CCDC127: variants seen among roughly 807,000 people sequenced by gnomAD.
CCDC127 encodes the protein coiled-coil domain-containing protein 127.
CCDC127 carries 2 observed loss-of-function variants against 4.1 expected under a neutral mutation model. The observed-to-expected ratio is 0.49, with a 90% confidence interval of 0.20 to 1.53. The LOEUF is 1.53. Among genes scored for constraint, CCDC127 ranks in the 40% most tolerant of loss-of-function variants. The pLI is 0.23. For synonymous variants in CCDC127, 98 were observed against 120.4 expected (o/e 0.81, Z 1.22); for missense variants, 271 against 322.9 (o/e 0.84, Z 1.23).
chr5:206,457 G>GA lies in CCDC127; in HGVS notation c.122-500dup, dbSNP rs1734175193. On this transcript the variant is annotated intron_variant, in intron 2 of 2. Transcript: ENST00000296824. ...TCTTTCCTCAAACTGGAGACTGCTGGAATCTCACGAAAACGGGACGAAGAT... is the reference window on the plus strand; with the variant it reads ...TCTTTCCTCAAACTGGAGACTGCTGGAAATCTCACGAAAACGGGACGAAGAT... Among the ~76,000 whole-genome samples, 4 of 152,354 alleles carry GA rather than the reference G, an allele frequency of 2.6e-5. No homozygotes were observed. The South Asian group carries it at 8.3e-4, about 32-fold the overall frequency.
Position 200,981 on chromosome 5 carries a change from CCAGCG to C in CCDC127, c.*4311_*4315del. Reference sequence around the variant, plus strand: ...ACACAGCAGGCTGCCCCCATCACAGCCAGCGTCTACACAGCAGGCTGCCCCCATCA... The same window carrying C: ...ACACAGCAGGCTGCCCCCATCACAGCTCTACACAGCAGGCTGCCCCCATCA... On this transcript the variant is annotated 3_prime_UTR_variant, in exon 3 of 3. Coordinates refer to ENST00000296824, the MANE Select transcript of CCDC127 (RefSeq NM_145265.3). The C allele has an allele frequency of 2.2e-5, 3 of 137,200 alleles. No individual in the cohort carries two copies. The highest frequency in any genetic ancestry group is 6.3e-5 in the African/African-American group (2 of 31,776). The allele number at this position is 137,200 out of a possible 1,614,324, so 8.5% of individuals were successfully genotyped here.
At position 198,559 on chromosome 5, in the gene CCDC127, C is replaced by G. The variant is rs1489309399; in HGVS notation, c.*6738G>C. ...GGGCGGTGCTGAGGGCACAAGCTCCCAACATCTCCAGCTCCACAGACACCC... is the reference window on the plus strand; with the variant it reads ...GGGCGGTGCTGAGGGCACAAGCTCCGAACATCTCCAGCTCCACAGACACCC... On this transcript the variant is annotated 3_prime_UTR_variant, in exon 3 of 3. Coordinates refer to ENST00000296824, the MANE Select transcript of CCDC127 (RefSeq NM_145265.3). 1 of 152,284 alleles carries G rather than the reference C, an allele frequency of 6.6e-6. No homozygotes were observed. Among genetic ancestry groups the G allele is most frequent in the African/African-American group, 2.4e-5 (1 of 41,468 alleles). 9.4% of individuals were successfully genotyped at this position (152,284 alleles called of 1,614,324 possible). A position where few individuals can be genotyped will look rare whatever the true frequency, so the allele number is the denominator to read the frequency against.
At chr5:215,719 G>C (rs1472459309) in intron 2 of CCDC127, 1 of 152,072 alleles carries the variant, frequency 6.6e-6, no homozygotes, top group Non-Finnish European at 1.5e-5. Context: ...CTTCTGACCT[G>C]AGACATGGAA....
rs558495263 is a variant in CCDC127 at position 201,427 on chromosome 5, G to A, written c.*3870C>T. The A allele has an allele frequency of 6.6e-6, 1 of 152,242 alleles. No homozygotes were observed. The highest frequency in any genetic ancestry group is 2.1e-4 in the South Asian group (1 of 4,818). The allele number at this position is 152,242 out of a possible 1,614,324, so 9.4% of individuals were successfully genotyped here. On this transcript the variant is annotated 3_prime_UTR_variant, in exon 3 of 3. Coordinates refer to ENST00000296824, the MANE Select transcript of CCDC127 (RefSeq NM_145265.3). Reference sequence around the variant, plus strand: ...AATTAGACATAACTTCTCTTTGAAAGAACACACAGATCATTTGGTGAAGTT... The same window carrying A: ...AATTAGACATAACTTCTCTTTGAAAAAACACACAGATCATTTGGTGAAGTT...
intron 1 of CCDC127, among the ~76,000 whole-genome samples, chr5:217,651 T>C (rs1734443006): frequency 6.6e-6 from 1 of 151,872 alleles, no homozygotes; most frequent in African/African-American, 2.4e-5. Context: ...GTGGGGAAGG[T>C]GCAAACAGTG....
chr5:216,251 T>G (rs1465473379), intron 2 of CCDC127: 2 of 174,844 alleles, frequency 1.1e-5, no homozygotes, highest in African/African-American at 4.8e-5. Context: ...GGGGTTTTGC[T>G]GTGTTGCTCA....
At chr5:217,364 T>C (rs1268476989) in intron 1 of CCDC127, 1 of 156,202 alleles carries the variant, frequency 6.4e-6, no homozygotes, top group Non-Finnish European at 1.4e-5. Flanking sequence ...TGGTTAAGCA[T>C]TATTTCTGGG....
rs1734116578 is a variant in CCDC127 at position 203,780 on chromosome 5, CACT to C, written c.*1514_*1516del. On this transcript the variant is annotated 3_prime_UTR_variant, in exon 3 of 3. Transcript: ENST00000296824. ...GTGCCCGGGCTCAGACTGGCTCCAA[CACT>C]ACTACCTGCGTGACCTCAGGCAGGT... is the stretch of plus-strand genomic sequence containing the variant. The C allele has an allele frequency of 6.6e-6, 1 of 152,278 alleles. No homozygotes were observed. The highest frequency in any genetic ancestry group is 2.4e-5 in the African/African-American group (1 of 41,456). The allele number at this position is 152,278 out of a possible 1,614,324, so 9.4% of individuals were successfully genotyped here.
chr5:207,254 C>A (rs1256029225), intron 2 of CCDC127, among the ~76,000 whole-genome samples: 2 of 152,198 alleles, frequency 1.3e-5, no homozygotes, highest in Non-Finnish European at 2.9e-5. Context: ...AAGCACAAAA[C>A]CAAACTCATC....
chr5:205,087 C>G lies in CCDC127; in HGVS notation c.*210G>C. ...AAAAATGCTTCAAGAAACCATATCC[C>G]CAACAGCGGCAGAGCATCGGGAGGA... On this transcript the variant is annotated 3_prime_UTR_variant, in exon 3 of 3. Coordinates refer to ENST00000296824, the MANE Select transcript of CCDC127 (RefSeq NM_145265.3). The G allele has an allele frequency of 1.9e-6, 1 of 532,280 alleles. No homozygotes were observed. Among genetic ancestry groups the G allele is most frequent in the Non-Finnish European group, 3.3e-6 (1 of 303,524 alleles). The allele number at this position is 532,280 out of a possible 1,614,324, so 33.0% of individuals were successfully genotyped here. A position where few individuals can be genotyped will look rare whatever the true frequency, so the allele number is the denominator to read the frequency against.
At position 200,952 on chromosome 5, in the gene CCDC127, G is replaced by A. The variant is rs1560972840; in HGVS notation, c.*4345C>T. 3 of 134,142 alleles carry A rather than the reference G, an allele frequency of 2.2e-5. No individual in the cohort carries two copies. The highest frequency in any genetic ancestry group is 1.5e-4 in the Admixed American group (2 of 13,122). 8.3% of individuals were successfully genotyped at this position (134,142 alleles called of 1,614,324 possible). A position where few individuals can be genotyped will look rare whatever the true frequency, so the allele number is the denominator to read the frequency against. On this transcript the variant is annotated 3_prime_UTR_variant, in exon 3 of 3. Coordinates refer to ENST00000296824, the MANE Select transcript of CCDC127 (RefSeq NM_145265.3). ...GCTGCCCCCATCACAGCCAGCCAGC[G>A]TCTACACAGCAGGCTGCCCCCATCA...
intron 2 of CCDC127, among the ~76,000 whole-genome samples, chr5:210,013 G>A (rs2126508864): frequency 6.6e-6 from 1 of 152,340 alleles, no homozygotes; most frequent in South Asian, 2.1e-4. Context: ...GAGAGGCTGA[G>A]TGTGTTCTCT....
chr5:218,110 G>A lies in CCDC127; in HGVS notation c.-28C>T. On this transcript the variant is annotated 5_prime_UTR_variant, in exon 1 of 3. Transcript: ENST00000296824. ...CGCTCTACCTCGGTCGGGGAGCGCGGGACCTCAGCGTTCCCTTAACGCCAC... is the reference window on the plus strand; with the variant it reads ...CGCTCTACCTCGGTCGGGGAGCGCGAGACCTCAGCGTTCCCTTAACGCCAC... The A allele has an allele frequency of 8.2e-7, 1 of 1,217,586 alleles. No individual in the cohort carries two copies. The highest frequency in any genetic ancestry group is 1.0e-6 in the Non-Finnish European group (1 of 976,056). The allele number at this position is 1,217,586 out of a possible 1,614,324, so 75.4% of individuals were successfully genotyped here.
At chr5:206,472 G>A (rs541076647) in intron 2 of CCDC127, among the ~76,000 whole-genome samples, 113 of 152,326 alleles carry the variant, frequency 7.4e-4, no homozygotes, top group African/African-American at 2.5e-3. Flanking sequence ...TCACGAAAAC[G>A]GGACGAAGAT....
Position 204,518 on chromosome 5 carries a change from T to G in CCDC127, c.*779A>C, listed in dbSNP as rs1734130194. The G allele has an allele frequency of 7.8e-6, 1 of 127,606 alleles. No homozygotes were observed. The highest frequency in any genetic ancestry group is 5.3e-5 in the African/African-American group (1 of 18,972). 7.9% of individuals were successfully genotyped at this position (127,606 alleles called of 1,614,324 possible). On this transcript the variant is annotated 3_prime_UTR_variant, in exon 3 of 3. Coordinates refer to ENST00000296824, the MANE Select transcript of CCDC127 (RefSeq NM_145265.3). ...GTGAAGAATTACACAAAAAGTGGCA[T>G]TATTACTCATAAATGGCAAGTATTT...
chr5:197,176 T>C lies in CCDC127; in HGVS notation c.*8121A>G, dbSNP rs970589274. ...TAACAAGGCAGCATTGCCGCAAACA[T>C]GTCTCGCCTCCCGCCACAAGGCGGC... On this transcript the variant is annotated 3_prime_UTR_variant, in exon 3 of 3. Coordinates refer to ENST00000296824, the MANE Select transcript of CCDC127 (RefSeq NM_145265.3). The C allele has an allele frequency of 1.4e-4, 21 of 152,138 alleles. 1 individual carries two copies. Among genetic ancestry groups the C allele is most frequent in the Admixed American group, 7.9e-4 (12 of 15,286 alleles). The allele number at this position is 152,138 out of a possible 1,614,324, so 9.4% of individuals were successfully genotyped here. A position where few individuals can be genotyped will look rare whatever the true frequency, so the allele number is the denominator to read the frequency against.
chr5:215,942 C>A (rs1187320968), intron 2 of CCDC127: 1 of 142,978 alleles, frequency 7.0e-6, no homozygotes, highest in Non-Finnish European at 1.5e-5. Context: ...CAAAGTGGTG[C>A]CAAGTCAATC....
chr5:216,013 A>T (rs1400499014), intron 2 of CCDC127: 1 of 151,506 alleles, frequency 6.6e-6, no homozygotes, highest in Non-Finnish European at 1.5e-5. Context: ...AAGTCTCCCA[A>T]AGACTGATTT....
At chr5:210,181 A>G (rs1344169741) in intron 2 of CCDC127, among the ~76,000 whole-genome samples, 1 of 152,260 alleles carries the variant, frequency 6.6e-6, no homozygotes, top group Non-Finnish European at 1.5e-5. Context: ...GCTTAAATGT[A>G]AAATGTAAAA....
Sources: gnomAD v4.1 joint callset for allele counts (sites outside exome capture counted in the v4.1 genomes callset) on GRCh38, gnomAD v4.1.1 for gene constraint, MANE v1.5 for transcripts, NCBI Gene and HGNC (gene_info 2026-07-23, HGNC 2026-07-21) for gene names.